Variants in ZNF469 observed in about 807,000 individuals in gnomAD.
ZNF469 encodes zinc finger protein 469.
Under a neutral mutation model 1.0 loss-of-function variants are expected in ZNF469, and 1 was observed. That is an observed-to-expected ratio of 1.00 (90% CI 0.35 to 4.73). The LOEUF is 4.73. Among genes scored for constraint, ZNF469 ranks in the 30% most tolerant of loss-of-function variants. The pLI, the probability that ZNF469 is intolerant of heterozygous loss-of-function variation, is 0.16. For missense variants in ZNF469, 6,100 were observed against 5,356.3 expected (o/e 1.14, Z -4.33); for synonymous variants, 2,703 against 2,363.4 (o/e 1.14, Z -4.17).
chr16:88,154,233 C>T, the ZNF469 span, among the ~76,000 whole-genome samples: 22 of 152,370 alleles, frequency 1.4e-4, no homozygotes, highest in African/African-American at 5.3e-4. Flanking sequence ...TCTCGGCTTA[C>T]TGCAACTTCT....
At chr16:88,242,788 T>C in the ZNF469 span, among the ~76,000 whole-genome samples, 1 of 152,192 alleles carries the variant, frequency 6.6e-6, no homozygotes, top group African/African-American at 2.4e-5. Context: ...TGGCACTGTC[T>C]CTAAAGCCCA....
rs1906284475 is a variant in ZNF469 at position 88,432,690 on chromosome 16, G to A, written c.5220G>A (p.Lys1740=). 2 of 1,550,314 alleles carry A rather than the reference G, an allele frequency of 1.3e-6. No individual in the cohort carries two copies. The highest frequency in any genetic ancestry group is 2.4e-5 in the South Asian group (2 of 84,064). Residue 1740 remains lysine, a synonymous_variant, in exon 3 of 3, where the codon AAG becomes AAA. Transcript: ENST00000565624. Reference sequence around the variant, plus strand: ...AGCTGGATGCCGGGAGTTTAGCAAAGTGCAGCCCCGACCAGGAACTTTCAT... The same window carrying A: ...AGCTGGATGCCGGGAGTTTAGCAAAATGCAGCCCCGACCAGGAACTTTCAT... ...GPQLDAGSLA[K]CSPDQELSFP...
the ZNF469 span, among the ~76,000 whole-genome samples, chr16:88,285,337 G>A: frequency 7.3e-4 from 111 of 152,384 alleles, 1 homozygote; most frequent in South Asian, 1.7e-3. Flanking sequence ...ACTGCTGAGC[G>A]GTCTCTAACC....
the ZNF469 span, among the ~76,000 whole-genome samples, chr16:88,190,525 A>T: frequency 6.6e-6 from 1 of 152,196 alleles, no homozygotes; most frequent in South Asian, 2.1e-4. Context: ...TGGAGAAGTA[A>T]ATCCAGGGAT....
chr16:88,350,261 C>A, the ZNF469 span, among the ~76,000 whole-genome samples: 1 of 152,240 alleles, frequency 6.6e-6, no homozygotes, highest in Non-Finnish European at 1.5e-5. Context: ...CCCTCCTGTC[C>A]CAAGGGCCCT....
chr16:88,240,949 G>C, the ZNF469 span, among the ~76,000 whole-genome samples: 1 of 152,068 alleles, frequency 6.6e-6, no homozygotes, highest in African/African-American at 2.4e-5. Flanking sequence ...CACCCCAGGG[G>C]CTGGGCGGAA....
At chr16:88,108,661 C>T in the ZNF469 span, among the ~76,000 whole-genome samples, 52 of 152,184 alleles carry the variant, frequency 3.4e-4, 1 homozygote, top group Admixed American at 3.9e-4. Flanking sequence ...GTGGTGGTGA[C>T]GCTGTAGGGT....
the ZNF469 span, among the ~76,000 whole-genome samples, chr16:88,229,961 G>T: frequency 6.6e-6 from 1 of 152,202 alleles, no homozygotes; most frequent in Non-Finnish European, 1.5e-5. Flanking sequence ...GTGCCACTCT[G>T]GTTGGGTCTG....
At chr16:88,249,429 CTTTTTTTTTTTTTTTTTT>C in the ZNF469 span, among the ~76,000 whole-genome samples, 20 of 63,616 alleles carry the variant, frequency 3.1e-4, no homozygotes, top group East Asian at 2.4e-3. Flanking sequence ...TTTTCTTTTT[CTTTTTTTTTTTTTTTTTT>C]TTTTTTTGAG....
chr16:88,234,092 GGACTTCT>G, the ZNF469 span, among the ~76,000 whole-genome samples: 1 of 152,214 alleles, frequency 6.6e-6, no homozygotes, highest in Admixed American at 6.5e-5. Context: ...GAAGGGCCAT[GGACTTCT>G]GAACCCAGAG....
At chr16:88,409,047 C>T (rs571512406) in intron 1 of ZNF469, among the ~76,000 whole-genome samples, 227 of 152,280 alleles carry the variant, frequency 1.5e-3, no homozygotes, top group African/African-American at 4.6e-3. Flanking sequence ...GGAGATGGGG[C>T]TGGGGCTGGG....
the ZNF469 span, among the ~76,000 whole-genome samples, chr16:88,123,631 C>T: frequency 6.6e-6 from 1 of 151,882 alleles, no homozygotes; most frequent in African/African-American, 2.4e-5. Flanking sequence ...TTATCAGCAG[C>T]GCCAAACCCT....
At chr16:88,341,847 C>T in the ZNF469 span, among the ~76,000 whole-genome samples, 2 of 152,170 alleles carry the variant, frequency 1.3e-5, no homozygotes, top group South Asian at 4.2e-4. Flanking sequence ...GACTTGGGGA[C>T]CAAGGTCATG....
the ZNF469 span, among the ~76,000 whole-genome samples, chr16:88,224,740 C>T: frequency 6.6e-6 from 1 of 151,864 alleles, no homozygotes; most frequent in Non-Finnish European, 1.5e-5. Flanking sequence ...TAAGTACGTA[C>T]ATATGTAAGT....
chr16:88,162,403 G>C, the ZNF469 span, among the ~76,000 whole-genome samples: 1 of 148,266 alleles, frequency 6.7e-6, no homozygotes, highest in Non-Finnish European at 1.5e-5. Flanking sequence ...CATAGTGTTA[G>C]AGCCAGAAAT....
the ZNF469 span, among the ~76,000 whole-genome samples, chr16:88,109,782 T>A: frequency 4.1e-4 from 41 of 99,746 alleles, no homozygotes; most frequent in East Asian, 1.3e-3. Flanking sequence ...GGAGGTGCTG[T>A]GCGTCTGTGT....
the ZNF469 span, among the ~76,000 whole-genome samples, chr16:88,137,385 G>A: frequency 2.0e-5 from 3 of 152,186 alleles, no homozygotes; most frequent in Non-Finnish European, 2.9e-5. Context: ...ACCACCATGT[G>A]TGCGGTTGTG....
At chr16:88,205,262 G>C in the ZNF469 span, among the ~76,000 whole-genome samples, 1 of 152,238 alleles carries the variant, frequency 6.6e-6, no homozygotes, top group Middle Eastern at 3.4e-3. This position sits in a 1 kb window ranked among gnomAD's most constrained non-coding sequence, Gnocchi z 4.2. Context: ...CAGAACGTTG[G>C]CTTCGTAGAA....
At chr16:88,212,648 T>C in the ZNF469 span, among the ~76,000 whole-genome samples, 2 of 152,336 alleles carry the variant, frequency 1.3e-5, no homozygotes, top group East Asian at 3.9e-4. Context: ...TGGTGCCATC[T>C]TGACTCACTG....
Sources: gnomAD v4.1 joint callset for allele counts (sites outside exome capture counted in the v4.1 genomes callset) on GRCh38, gnomAD v4.1.1 for gene constraint, Gnocchi (gnomAD v3.1) non-coding constraint, MANE v1.5 for transcripts, NCBI Gene and HGNC (gene_info 2026-07-23, HGNC 2026-07-21) for gene names.